Variants in ZC3H12D observed in about 807,000 individuals in gnomAD.
ZC3H12D encodes the protein probable ribonuclease ZC3H12D.
Under a neutral mutation model 24.2 loss-of-function variants are expected in ZC3H12D, and 11 were observed. The ratio of observed to expected loss-of-function variants is 0.46; its 90% CI spans 0.29 to 0.75. The LOEUF (loss-of-function observed/expected upper bound fraction) is 0.75. Among genes scored for constraint, ZC3H12D ranks in the 30% least tolerant of loss-of-function variants. ZC3H12D has a pLI of 0.11. For synonymous variants in ZC3H12D, 333 were observed against 341.8 expected, an observed-to-expected ratio of 0.97 and a Z score of 0.28; for missense variants, 740 against 767.7, an observed-to-expected ratio of 0.96 and a Z score of 0.43.
intron 2 of ZC3H12D, among the ~76,000 whole-genome samples, chr6:149,471,962 C>T (rs1305915799): frequency 6.6e-6 from 1 of 152,232 alleles, no homozygotes; most frequent in East Asian, 1.9e-4. Flanking sequence ...TACTACAAAA[C>T]CTCAGTGAAA....
intron 1 of ZC3H12D, chr6:149,483,185 G>C (rs1164505248): frequency 6.6e-6 from 1 of 152,222 alleles, no homozygotes; most frequent in Non-Finnish European, 1.5e-5. Flanking sequence ...CAGAGCTAGA[G>C]GCCCTCAGTG....
chr6:149,453,275 C>T lies in ZC3H12D; in HGVS notation c.681-553G>A, dbSNP rs548062218. ...TGATTGTGCCACTGCACTCCAGCCCCGGTAACAGAGTGAGATCCTGGCTAA... is the reference window on the plus strand; with the variant it reads ...TGATTGTGCCACTGCACTCCAGCCCTGGTAACAGAGTGAGATCCTGGCTAA... On this transcript the variant is annotated intron_variant, in intron 4 of 5. Coordinates refer to ENST00000409806, the MANE Select transcript of ZC3H12D (RefSeq NM_207360.3). Among the ~76,000 whole-genome samples the T allele has an allele frequency of 1.2e-4, 18 of 148,586 alleles. No homozygotes were observed. The South Asian group carries it at 3.1e-3, about 25-fold the overall frequency.
intron 5 of ZC3H12D, among the ~76,000 whole-genome samples, chr6:149,451,779 GGAC>G (rs765983914): frequency 1.3e-5 from 2 of 152,202 alleles, no homozygotes; most frequent in Non-Finnish European, 2.9e-5. Context: ...CTTTGACCAG[GGAC>G]TAAGACCAAA....
At position 149,465,477 on chromosome 6, in the gene ZC3H12D, G is replaced by A. The variant is rs536692203; in HGVS notation, c.306-3507C>T. 1.7e-4 allele frequency among the ~76,000 whole-genome samples: 26 copies of A among 152,152 alleles called. 1 individual carries two copies. The South Asian group carries it at 2.3e-3, about 13-fold the overall frequency. On this transcript the variant is annotated intron_variant, in intron 2 of 5. Transcript: ENST00000409806. ...TGTGGTCAAAAGGAAGAGGAAGGCC[G>A]GGTGTGGTGGCTCACACCTGTAATC...
In ZC3H12D at chr6:149,450,968, G is replaced by T. The variant is rs1325900679; in HGVS notation, c.1299C>A (p.Pro433=). Residue 433 remains proline (P), a synonymous_variant, in exon 6 of 6, where the codon CCC becomes CCA. Transcript: ENST00000409806. ...HGDLLSPRRP[P]DDPWARPPRS... Reference sequence around the variant, plus strand: ...GGGGTGGACGGGCCCACGGGTCGTCGGGTGGCCTGCGCGGGGAAAGCAAGT... The same window carrying T: ...GGGGTGGACGGGCCCACGGGTCGTCTGGTGGCCTGCGCGGGGAAAGCAAGT... The T allele has an allele frequency of 6.6e-7, 1 of 1,523,970 alleles. No individual in the cohort carries two copies. Among genetic ancestry groups the T allele is most frequent in the Non-Finnish European group, 8.8e-7 (1 of 1,137,970 alleles). 94.4% of individuals were successfully genotyped at this position (1,523,970 alleles called of 1,614,324 possible).
intron 2 of ZC3H12D, among the ~76,000 whole-genome samples, chr6:149,466,633 T>C (rs997839759): frequency 1.3e-5 from 2 of 152,166 alleles, no homozygotes; most frequent in Non-Finnish European, 2.9e-5. Context: ...ATCCCAGCAC[T>C]TTGGGAGGCC....
Position 149,456,105 on chromosome 6 carries a change from A to G in ZC3H12D, c.680+561T>C, listed in dbSNP as rs1775975824. Reference sequence around the variant, plus strand: ...ATCTCTACTAAAAATACAAAAAATTAGCCAGGCATGGTGGTGCGTGCCTAT... The same window carrying G: ...ATCTCTACTAAAAATACAAAAAATTGGCCAGGCATGGTGGTGCGTGCCTAT... On this transcript the variant is annotated intron_variant, in intron 4 of 5. Coordinates refer to ENST00000409806, the MANE Select transcript of ZC3H12D (RefSeq NM_207360.3). The surrounding 1 kb of genome is among the most constrained non-coding windows in gnomAD (Gnocchi z 4.3). Among the ~76,000 whole-genome samples the G allele has an allele frequency of 6.6e-6, 1 of 151,118 alleles. No individual in the cohort carries two copies. The highest frequency in any genetic ancestry group is 2.4e-5 in the African/African-American group (1 of 41,078).
chr6:149,477,626 C>A (rs1192421303), intron 1 of ZC3H12D, among the ~76,000 whole-genome samples: 1 of 152,154 alleles, frequency 6.6e-6, no homozygotes, highest in Non-Finnish European at 1.5e-5. Flanking sequence ...GGGTGCCACC[C>A]ACACCCTCCA....
At chr6:149,468,505 G>A (rs1035739858) in intron 2 of ZC3H12D, among the ~76,000 whole-genome samples, 2 of 152,230 alleles carry the variant, frequency 1.3e-5, no homozygotes, top group Admixed American at 1.3e-4. Flanking sequence ...GAGGAAGGTT[G>A]TGGCTATGGG....
chr6:149,458,619 G>A (rs1342435575), intron 3 of ZC3H12D, among the ~76,000 whole-genome samples: 1 of 152,076 alleles, frequency 6.6e-6, no homozygotes, highest in East Asian at 1.9e-4. Context: ...ACCTCTTCAG[G>A]GTATATCTCC....
intron 2 of ZC3H12D, among the ~76,000 whole-genome samples, chr6:149,468,636 G>T (rs437931): frequency 0.36 from 54,476 of 151,990 alleles, 10,305 homozygotes; most frequent in African/African-American, 0.46. Flanking sequence ...CTCACCAGGA[G>T]ATCTCTCCCC....
rs116986664 is a variant in ZC3H12D at position 149,473,803 on chromosome 6, T to C, written c.305+436A>G. Among the ~76,000 whole-genome samples the C allele has an allele frequency of 5.6e-3, 845 of 152,040 alleles. 7 individuals are homozygous for C. The highest frequency in any genetic ancestry group is 8.1e-3 in the Non-Finnish European group (550 of 67,992). Reference sequence around the variant, plus strand: ...CCTCTTTCACAGAAGAGGAAATGAGTCCTGCAGCTTTTCCAGAGTCTCGCA... The same window carrying C: ...CCTCTTTCACAGAAGAGGAAATGAGCCCTGCAGCTTTTCCAGAGTCTCGCA... On this transcript the variant is annotated intron_variant, in intron 2 of 5. Coordinates refer to ENST00000409806, the MANE Select transcript of ZC3H12D (RefSeq NM_207360.3).
intron 3 of ZC3H12D, among the ~76,000 whole-genome samples, chr6:149,461,038 G>A (rs1776064529): frequency 6.6e-6 from 1 of 152,028 alleles, no homozygotes. Context: ...ATTCCTAGCT[G>A]ATTGAAGAAT....
chr6:149,461,660 A>C, intron 3 of ZC3H12D, 171 bp downstream of exon 3: 1 of 627,072 alleles, frequency 1.6e-6, no homozygotes, highest in Non-Finnish European at 2.6e-6. Flanking sequence ...GCTAGGTGCT[A>C]GGGCTATGGC....
At chr6:149,462,376 C>CA (rs779266389) in intron 2 of ZC3H12D, among the ~76,000 whole-genome samples, 209 of 141,466 alleles carry the variant, frequency 1.5e-3, no homozygotes, top group African/African-American at 4.4e-3. Context: ...TCTGTCTCAA[C>CA]AAAAAACAAA....
intron 1 of ZC3H12D, among the ~76,000 whole-genome samples, chr6:149,475,865 C>T (rs1482738447): frequency 1.3e-5 from 2 of 152,164 alleles, no homozygotes; most frequent in Non-Finnish European, 2.9e-5. Context: ...AACAGGAACA[C>T]TCTAGACAGC....
intron 3 of ZC3H12D, among the ~76,000 whole-genome samples, chr6:149,458,509 T>C (rs975533637): frequency 2.0e-5 from 3 of 152,166 alleles, no homozygotes; most frequent in African/African-American, 7.2e-5. Flanking sequence ...CTTAAGCAGC[T>C]TGTCTTTTTC....
At chr6:149,457,619 G>T (rs1261048523) in intron 3 of ZC3H12D, among the ~76,000 whole-genome samples, 1 of 152,180 alleles carries the variant, frequency 6.6e-6, no homozygotes, top group South Asian at 2.1e-4. Context: ...GTCTGTGAGT[G>T]GACTGAGCTC....
At position 149,446,886 on chromosome 6, in the gene ZC3H12D, T is replaced by C. The variant is rs536903176; in HGVS notation, c.*3797A>G. On this transcript the variant is annotated 3_prime_UTR_variant, in exon 6 of 6. Coordinates refer to ENST00000409806, the MANE Select transcript of ZC3H12D (RefSeq NM_207360.3). The stretch of plus-strand genomic sequence containing the variant: ...TCCTCAACCCCTGACATTCTACAGT[T>C]CTACCCCAAACCCCCTTCCAGAGGC... 4 of 152,370 alleles carry C rather than the reference T, an allele frequency of 2.6e-5. No homozygotes were observed. In the South Asian group the frequency reaches 8.3e-4, roughly 32 times the overall value. The allele number at this position is 152,370 out of a possible 1,614,324, so 9.4% of individuals were successfully genotyped here. A position where few individuals can be genotyped will look rare whatever the true frequency, so the allele number is the denominator to read the frequency against.
Sources: gnomAD v4.1 joint callset for allele counts (sites outside exome capture counted in the v4.1 genomes callset) on GRCh38, gnomAD v4.1.1 for gene constraint, Gnocchi (gnomAD v3.1) non-coding constraint, MANE v1.5 for transcripts, NCBI Gene and HGNC (gene_info 2026-07-23, HGNC 2026-07-21) for gene names.